The following PHF21B variants were observed in gnomAD, a reference collection of about 807,000 sequenced individuals.
PHF21B encodes the protein PHD finger protein 4.
PHF21B carries 22 observed loss-of-function variants against 62.2 expected under a neutral mutation model. The observed-to-expected ratio is 0.35, with a 90% confidence interval of 0.25 to 0.51. PHF21B has a LOEUF of 0.51. PHF21B is among the 20% of genes least tolerant of loss of function. PHF21B has a pLI of 0.97. For synonymous variants in PHF21B, 341 were observed against 314.7 expected (o/e 1.08, Z -0.88); for missense variants, 701 against 707.9 (o/e 0.99, Z 0.11).
At chr22:44,960,341 G>A (rs748410356) in intron 2 of PHF21B, among the ~76,000 whole-genome samples, 56 of 152,136 alleles carry the variant, frequency 3.7e-4, no homozygotes, top group Non-Finnish European at 6.5e-4. Context: ...TTCACTGCCC[G>A]AAAAATGAGA....
intron 2 of PHF21B, 95 bp from the exon 3 acceptor site, chr22:44,920,585 G>A (rs2071517926): frequency 1.4e-6 from 1 of 713,760 alleles, no homozygotes; most frequent in Non-Finnish European, 2.3e-6. Flanking sequence ...AGCTGCCTTG[G>A]AGACAGCAAA....
intron 3 of PHF21B, among the ~76,000 whole-genome samples, chr22:44,918,008 G>T (rs1274060061): frequency 1.3e-5 from 2 of 152,256 alleles, no homozygotes; most frequent in South Asian, 2.1e-4. Flanking sequence ...GATGTGGCCA[G>T]CCTGGGTTCA....
intron 2 of PHF21B, among the ~76,000 whole-genome samples, chr22:44,973,912 C>A (rs2072686981): frequency 6.6e-6 from 1 of 152,050 alleles, no homozygotes; most frequent in African/African-American, 2.4e-5. Context: ...CAGGAATAAG[C>A]CAGAAGAGGA....
chr22:45,004,599 A>G (rs568618220), intron 2 of PHF21B, among the ~76,000 whole-genome samples: 2 of 152,200 alleles, frequency 1.3e-5, no homozygotes, highest in Non-Finnish European at 2.9e-5. Context: ...ATTAAAATGT[A>G]CCTTTCTGGA....
chr22:44,917,534 G>A (rs1436286699), intron 3 of PHF21B, among the ~76,000 whole-genome samples: 1 of 152,132 alleles, frequency 6.6e-6, no homozygotes, highest in Non-Finnish European at 1.5e-5. Context: ...AGAGACAAGG[G>A]GACAAGGAGA....
intron 2 of PHF21B, among the ~76,000 whole-genome samples, chr22:44,996,921 T>TGC (rs2073132901): frequency 6.6e-6 from 1 of 151,942 alleles, no homozygotes; most frequent in African/African-American, 2.4e-5. Flanking sequence ...CATACACACA[T>TGC]GCACACACAC....
chr22:44,885,474 C>T lies in PHF21B; in HGVS notation c.1329G>A (p.Glu443=). ...LLQRGSELQN[E]HQQLEERDRR... is the part of the protein sequence containing the mutation. ...GGTCCCGCTCCTCCAGCTGCTGGTG[C>T]TCGTTCTGCAGCTCACTGCCTCGTT... The change falls in exon 12 of 13, where the codon GAG becomes GAA. Residue 443 remains glutamate (E), a synonymous_variant. Transcript: ENST00000313237. 6.3e-7 allele frequency: 1 copy of T among 1,599,192 alleles called. No individual in the cohort carries two copies. Among genetic ancestry groups the T allele is most frequent in the South Asian group, 1.1e-5 (1 of 88,542 alleles).
chr22:44,913,554 G>A (rs2071381436), intron 5 of PHF21B, among the ~76,000 whole-genome samples: 2 of 152,256 alleles, frequency 1.3e-5, no homozygotes. Context: ...CTGGAAACTG[G>A]CAGTGCAGGA....
At chr22:44,935,631 CA>C (rs136693) in intron 2 of PHF21B, among the ~76,000 whole-genome samples, 136,118 of 150,608 alleles carry the variant, frequency 0.9, 61,535 homozygotes, top group East Asian at 0.97. Context: ...AACAAACAAA[CA>C]AAAAAAAAAC....
intron 2 of PHF21B, among the ~76,000 whole-genome samples, chr22:44,954,334 G>T (rs530613107): frequency 6.6e-6 from 1 of 152,324 alleles, no homozygotes; most frequent in East Asian, 1.9e-4. Flanking sequence ...CACGCAGGCT[G>T]CCCTTCCTCC....
At chr22:44,975,886 G>A (rs1337154079) in intron 2 of PHF21B, among the ~76,000 whole-genome samples, 1 of 152,260 alleles carries the variant, frequency 6.6e-6, no homozygotes. Context: ...AAAATTTTGG[G>A]TTGGGCACAG....
chr22:44,916,650 A>G lies in PHF21B; in HGVS notation c.214-20T>C. The G allele has an allele frequency of 6.3e-7, 1 of 1,595,498 alleles. No homozygotes were observed. The highest frequency in any genetic ancestry group is 1.3e-5 in the African/African-American group (1 of 74,966). On this transcript the variant is annotated intron_variant, in intron 3 of 12. Coordinates refer to ENST00000313237, the MANE Select transcript of PHF21B (RefSeq NM_138415.5). Reference sequence around the variant, plus strand: ...CCTAACCTGGGAAGAAGGGACAGGTATGTGGTCAGACAGGCAGACACACAG... The same window carrying G: ...CCTAACCTGGGAAGAAGGGACAGGTGTGTGGTCAGACAGGCAGACACACAG...
chr22:44,914,425 C>G (rs1350208654), intron 4 of PHF21B, among the ~76,000 whole-genome samples: 1 of 152,206 alleles, frequency 6.6e-6, no homozygotes, highest in Non-Finnish European at 1.5e-5. Flanking sequence ...ATCAGTGAAA[C>G]TGGCCACACC....
Position 44,916,304 on chromosome 22 carries a change from G to A in PHF21B, c.540C>T (p.Pro180=), listed in dbSNP as rs748573846. Residue 180 remains proline, a synonymous_variant, in exon 4 of 13, where the codon CCC becomes CCT. Coordinates refer to ENST00000313237, the MANE Select transcript of PHF21B (RefSeq NM_138415.5). ...CCTTGTTGTCAGCACTGATGAGGAG[G>A]GGCTGGACTTTGATGCTGTCACTGA... is the stretch of plus-strand genomic sequence containing the variant. The part of the protein sequence containing the change: ...SVVSDSIKVQ[P]LLISADNKPP... The A allele has an allele frequency of 7.5e-6, 12 of 1,605,154 alleles. No homozygotes were observed. In the African/African-American group the frequency reaches 9.4e-5, roughly 13 times the overall value.
intron 2 of PHF21B, among the ~76,000 whole-genome samples, chr22:44,949,508 T>C (rs776358513): frequency 1.3e-4 from 20 of 152,150 alleles, no homozygotes; most frequent in Non-Finnish European, 2.5e-4. Context: ...TTGAACACAG[T>C]TGTCATTCTT....
At chr22:44,947,873 T>C (rs1239128395) in intron 2 of PHF21B, among the ~76,000 whole-genome samples, 6 of 151,884 alleles carry the variant, frequency 4.0e-5, no homozygotes, top group East Asian at 1.9e-4. Flanking sequence ...CAAACAGCGA[T>C]GTGCGCAGGT....
chr22:44,900,970 T>C (rs1169140734), intron 5 of PHF21B, among the ~76,000 whole-genome samples: 1 of 152,214 alleles, frequency 6.6e-6, no homozygotes, highest in Non-Finnish European at 1.5e-5. Context: ...TCAGGACATT[T>C]TCCTTGAATT....
At chr22:44,956,584 A>G (rs548546753) in intron 2 of PHF21B, among the ~76,000 whole-genome samples, 1 of 152,282 alleles carries the variant, frequency 6.6e-6, no homozygotes, top group South Asian at 2.1e-4. Context: ...ACATTATGGG[A>G]CTGCAGAGCT....
chr22:44,906,972 G>A (rs1334589640), intron 5 of PHF21B, among the ~76,000 whole-genome samples: 1 of 152,198 alleles, frequency 6.6e-6, no homozygotes, highest in Non-Finnish European at 1.5e-5. Flanking sequence ...CCGCCCTGCA[G>A]TGGACACTGC....
Sources: gnomAD v4.1 joint callset for allele counts (sites outside exome capture counted in the v4.1 genomes callset) on GRCh38, gnomAD v4.1.1 for gene constraint, MANE v1.5 for transcripts, NCBI Gene and HGNC (gene_info 2026-07-23, HGNC 2026-07-21) for gene names.